The following DNAI1 variants were observed in gnomAD, a reference collection of about 807,000 sequenced individuals.
DNAI1 encodes dynein, axonemal, intermediate polypeptide 1.
A neutral mutation model predicts 92.0 loss-of-function variants in DNAI1; 67 were observed. That is an observed-to-expected ratio of 0.73 (90% CI 0.60 to 0.89). The LOEUF (loss-of-function observed/expected upper bound fraction) is 0.89, where lower values mean the gene tolerates loss of function less well. DNAI1 is among the 40% of genes least tolerant of loss of function. DNAI1 has a pLI of 0.00. For synonymous variants in DNAI1, 323 were observed against 319.6 expected (o/e 1.01, Z -0.11); for missense variants, 839 against 866.6 (o/e 0.97, Z 0.40).
intron 7 of DNAI1, among the ~76,000 whole-genome samples, chr9:34,490,845 C>G (rs961886586): frequency 2.6e-4 from 40 of 152,224 alleles, no homozygotes; most frequent in African/African-American, 9.2e-4. Flanking sequence ...AGTTGATGAT[C>G]TCTGTGATAG....
intron 12 of DNAI1, among the ~76,000 whole-genome samples, chr9:34,501,728 A>AC (rs552068489): frequency 1.2e-4 from 18 of 145,246 alleles, no homozygotes; most frequent in East Asian, 8.2e-4. Flanking sequence ...AGGGATGGAG[A>AC]CCCCCCCTTC....
chr9:34,484,202 A>T (rs1824428696), intron 2 of DNAI1, among the ~76,000 whole-genome samples: 1 of 152,192 alleles, frequency 6.6e-6, no homozygotes, highest in Admixed American at 6.5e-5. Flanking sequence ...GTGACAGAGA[A>T]AGACTCCATC....
At chr9:34,492,532 A>ATATATATT (rs1824630371) in intron 8 of DNAI1, among the ~76,000 whole-genome samples, 1 of 120,264 alleles carries the variant, frequency 8.3e-6, no homozygotes, top group Non-Finnish European at 1.7e-5. Flanking sequence ...ATATATATAT[A>ATATATATT]TATTTGAGAC....
chr9:34,518,494 A>G (rs956752452), intron 19 of DNAI1, among the ~76,000 whole-genome samples: 2 of 152,140 alleles, frequency 1.3e-5, no homozygotes, highest in Admixed American at 1.3e-4. Context: ...AAAGGCTGCT[A>G]AGCGCCTGCA....
At position 34,520,748 on chromosome 9, in the gene DNAI1, A is replaced by G. The variant is rs1393638142; in HGVS notation, c.2092A>G (p.Lys698Glu). The G allele has an allele frequency of 6.4e-7, 1 of 1,551,630 alleles. No individual in the cohort carries two copies. The highest frequency in any genetic ancestry group is 1.4e-5 in the African/African-American group (1 of 73,130). Residue 698 changes from lysine (K) to glutamate (E), a missense_variant, in exon 20 of 20, where the codon AAG becomes GAG. Coordinates refer to ENST00000242317, the MANE Select transcript of DNAI1 (RefSeq NM_012144.4). Reference sequence around the variant, plus strand: ...GAACCTGGTGAGGGAAGTGAAAATCAAGACCTGAGGGGCTGGCCTCAGTCT... The same window carrying G: ...GAACCTGGTGAGGGAAGTGAAAATCGAGACCTGAGGGGCTGGCCTCAGTCT... ...LLNLVREVKI[K>E]T
chr9:34,503,475 A>G (rs375139054), intron 12 of DNAI1, among the ~76,000 whole-genome samples: 72 of 152,290 alleles, frequency 4.7e-4, no homozygotes, highest in African/African-American at 1.7e-3. Flanking sequence ...TGGAGTGAGA[A>G]TTTGGGTTTG....
intron 1 of DNAI1, among the ~76,000 whole-genome samples, chr9:34,479,978 A>G (rs1307565184): frequency 6.6e-6 from 1 of 152,104 alleles, no homozygotes; most frequent in African/African-American, 2.4e-5. Flanking sequence ...CTCTCTTTGC[A>G]TTTGGGAAAC....
intron 13 of DNAI1, 40 bp downstream of exon 13, chr9:34,506,914 A>G: frequency 6.2e-7 from 1 of 1,603,460 alleles, no homozygotes; most frequent in Non-Finnish European, 8.5e-7. Context: ...TGGGAGCAGC[A>G]TGTGGGCCTG....
At chr9:34,469,260 CTT>C (rs35082433) in intron 1 of DNAI1, among the ~76,000 whole-genome samples, 208 of 80,182 alleles carry the variant, frequency 2.6e-3, no homozygotes, top group South Asian at 8.0e-3. Context: ...AATGGAATGG[CTT>C]TTTTTTTTTT....
chr9:34,500,302 T>C (rs1316137023), intron 10 of DNAI1, among the ~76,000 whole-genome samples: 1 of 152,102 alleles, frequency 6.6e-6, no homozygotes, highest in Non-Finnish European at 1.5e-5. Context: ...TTTAGGGATT[T>C]AGGAGGCAGA....
intron 1 of DNAI1, among the ~76,000 whole-genome samples, chr9:34,482,736 T>A (rs1051845069): frequency 6.6e-6 from 1 of 152,272 alleles, no homozygotes; most frequent in African/African-American, 2.4e-5. Context: ...CAGGTGAAGC[T>A]GCCTGCCAGT....
chr9:34,470,616 A>C (rs1490002266), intron 1 of DNAI1, among the ~76,000 whole-genome samples: 1 of 152,256 alleles, frequency 6.6e-6, no homozygotes, highest in Admixed American at 6.5e-5. Context: ...AGATGTAAGC[A>C]TCAAAAAATG....
chr9:34,473,313 G>A (rs929455198), intron 1 of DNAI1, among the ~76,000 whole-genome samples: 5 of 126,002 alleles, frequency 4.0e-5, no homozygotes, highest in African/African-American at 1.6e-4. Flanking sequence ...ATTATTTTGA[G>A]ACAGAGTCTT....
intron 1 of DNAI1, among the ~76,000 whole-genome samples, chr9:34,475,179 G>A (rs1454225890): frequency 6.6e-6 from 1 of 152,202 alleles, no homozygotes; most frequent in Non-Finnish European, 1.5e-5. Context: ...GTTCCTTTGG[G>A]ACTAAGAGCT....
In DNAI1 at chr9:34,513,134, C is replaced by T. The variant is rs1168965747; in HGVS notation, c.1512C>T (p.Phe504=). ...HPVGCGTAFD[F]HKEIDYMFLV... ...AAGGTTGTGGCACTGCCTTTGACTTCCACAAAGAGATTGACTACATGTTCC... is the reference window on the plus strand; with the variant it reads ...AAGGTTGTGGCACTGCCTTTGACTTTCACAAAGAGATTGACTACATGTTCC... Residue 504 remains phenylalanine (F), a synonymous_variant, in exon 16 of 20, where the codon TTC becomes TTT. Transcript: ENST00000242317. The T allele has an allele frequency of 3.7e-6, 6 of 1,614,146 alleles. No individual in the cohort carries two copies. The highest frequency in any genetic ancestry group is 1.6e-4 in the Middle Eastern group (1 of 6,062).
rs1824824432 is a variant in DNAI1 at position 34,501,159 on chromosome 9, G to A, written c.1041G>A (p.Leu347=). Residue 347 remains leucine (L), a synonymous_variant, in exon 12 of 20, where the codon CTG becomes CTA. Transcript: ENST00000242317. ...ALCWNPKYRD[L]FAVGYGSYDF... ...GCAGGAATCCAAAGTACAGGGATCT[G>A]TTTGCAGTGGGATATGGCTCTTGTA... 6.2e-7 allele frequency: 1 copy of A among 1,613,650 alleles called. No individual in the cohort carries two copies. The highest frequency in any genetic ancestry group is 8.5e-7 in the Non-Finnish European group (1 of 1,179,650).
intron 12 of DNAI1, among the ~76,000 whole-genome samples, chr9:34,502,257 A>G (rs1336965714): frequency 1.3e-5 from 2 of 152,074 alleles, no homozygotes; most frequent in East Asian, 3.9e-4. Flanking sequence ...GATGCCCTAA[A>G]TGCCTGCTTT....
At chr9:34,497,349 C>A (rs1040667614) in intron 10 of DNAI1, 150 bp downstream of exon 10, 9 of 701,068 alleles carry the variant, frequency 1.3e-5, no homozygotes, top group South Asian at 3.0e-5. Flanking sequence ...ACTGGGGAGA[C>A]AAGACTTATG....
At position 34,514,532 on chromosome 9, in the gene DNAI1, C is replaced by A. The variant is rs1392149086; in HGVS notation, c.1708C>A (p.His570Asn). Residue 570 changes from histidine (H) to asparagine (N), a missense_variant, in exon 17 of 20, where the codon CAC becomes AAC. His to Asn is a moderately conservative substitution (Grantham distance 68, BLOSUM62 1). Coordinates refer to ENST00000242317, the MANE Select transcript of DNAI1 (RefSeq NM_012144.4). Reference protein sequence around the residue: ...SSDWTVKIWDHTIKTPMFIYD... With the variant: ...SSDWTVKIWDNTIKTPMFIYD... The stretch of plus-strand genomic sequence containing the variant: ...CGACTGGACAGTGAAGATCTGGGAC[C>A]ACACCATCAAGTGAGGGGCCTGTTC... 4 of 1,614,088 alleles carry A rather than the reference C, an allele frequency of 2.5e-6. No individual in the cohort carries two copies. Among genetic ancestry groups the A allele is most frequent in the Non-Finnish European group, 3.4e-6 (4 of 1,180,042 alleles).
Sources: gnomAD v4.1 joint callset for allele counts (sites outside exome capture counted in the v4.1 genomes callset) on GRCh38, gnomAD v4.1.1 for gene constraint, MANE v1.5 for transcripts, NCBI Gene and HGNC (gene_info 2026-07-23, HGNC 2026-07-21) for gene names.